The following ZBTB46 variants were observed in gnomAD, a reference collection of about 807,000 sequenced individuals.
The protein encoded by ZBTB46 is zinc finger and BTB domain-containing protein 46.
Under a neutral mutation model 44.1 loss-of-function variants are expected in ZBTB46, and 8 were observed. The ratio of observed to expected loss-of-function variants is 0.18; its 90% confidence interval spans 0.11 to 0.33. The LOEUF is 0.33. Among genes scored for constraint, ZBTB46 ranks in the 10% least tolerant of loss-of-function variants. ZBTB46 has a pLI of 1.00. For synonymous variants in ZBTB46, 409 were observed against 382.3 expected (o/e 1.07, Z -0.81); for missense variants, 651 against 847.7 (o/e 0.77, Z 2.88).
chr20:63,774,471 C>G (rs1347690650), intron 3 of ZBTB46, among the ~76,000 whole-genome samples: 1 of 152,172 alleles, frequency 6.6e-6, no homozygotes, highest in African/African-American at 2.4e-5. Flanking sequence ...AACAATGTGT[C>G]CACACCACTC....
At chr20:63,807,849 G>A (rs1380516375) in intron 1 of ZBTB46, among the ~76,000 whole-genome samples, 2 of 152,276 alleles carry the variant, frequency 1.3e-5, no homozygotes, top group Non-Finnish European at 1.5e-5. Context: ...CCAGAGCGGG[G>A]CTCGCCCGGT....
rs185164818 is a variant in ZBTB46 at position 63,787,567 on chromosome 20, G to A, written c.937+2254C>T. On this transcript the variant is annotated intron_variant, in intron 2 of 4. Coordinates refer to ENST00000245663, the MANE Select transcript of ZBTB46 (RefSeq NM_001369741.1). This position sits in a 1 kb window ranked among gnomAD's most constrained non-coding sequence, Gnocchi z 4.6. Reference sequence around the variant, plus strand: ...CCATGGTGCCACAGCTGCCTGCAGTGCTCAGCACCGTAACTAACACTGGCA... The same window carrying A: ...CCATGGTGCCACAGCTGCCTGCAGTACTCAGCACCGTAACTAACACTGGCA... Among the ~76,000 whole-genome samples the A allele has an allele frequency of 1.8e-4, 28 of 152,290 alleles. No homozygotes were observed. Among genetic ancestry groups the A allele is most frequent in the Admixed American group, 1.2e-3 (18 of 15,298 alleles).
intron 1 of ZBTB46, among the ~76,000 whole-genome samples, chr20:63,800,754 C>A (rs1374181819): frequency 1.3e-5 from 2 of 152,234 alleles, no homozygotes; most frequent in South Asian, 2.1e-4. Context: ...GATTTCTCGC[C>A]GGCCCTAGCT....
rs536744164 is a variant in ZBTB46, at chr20:63,787,425, G to A, written c.937+2396C>T. Among the ~76,000 whole-genome samples the A allele has an allele frequency of 7.9e-5, 12 of 152,352 alleles. No homozygotes were observed. The South Asian group carries it at 2.5e-3, about 32-fold the overall frequency. On this transcript the variant is annotated intron_variant, in intron 2 of 4. Transcript: ENST00000245663. This position sits in a 1 kb window ranked among gnomAD's most constrained non-coding sequence, Gnocchi z 4.6. Reference sequence around the variant, plus strand: ...TGTTCCCTCAGCACTCGCTCACCCAGGGCAACCTGCAGTGCAGCAAGCTCT... The same window carrying A: ...TGTTCCCTCAGCACTCGCTCACCCAAGGCAACCTGCAGTGCAGCAAGCTCT...
In ZBTB46 at chr20:63,802,797, G is replaced by A. The variant is rs1269531871; in HGVS notation, c.-33-12007C>T. 1.8e-3 allele frequency among the ~76,000 whole-genome samples: 219 copies of A among 120,736 alleles called. 4 individuals carry two copies. Among genetic ancestry groups the A allele is most frequent in the African/African-American group, 6.7e-3 (209 of 31,134 alleles). 79.2% of individuals were successfully genotyped at this position (120,736 alleles called of 152,430 possible). ...CCTCCCAGGAACCGCCGTGGCCGAC[G>A]ACCGAACCTCAGGCCCCCAGCACCC... is the stretch of plus-strand genomic sequence containing the variant. On this transcript the variant is annotated intron_variant, in intron 1 of 4. Transcript: ENST00000245663.
chr20:63,779,569 T>C (rs1265214539), intron 2 of ZBTB46, among the ~76,000 whole-genome samples: 5 of 151,956 alleles, frequency 3.3e-5, no homozygotes, highest in South Asian at 2.1e-4. Flanking sequence ...ACAGGGCGCC[T>C]GCCACCACAC....
intron 3 of ZBTB46, among the ~76,000 whole-genome samples, chr20:63,757,560 C>G (rs1190713534): frequency 6.6e-6 from 1 of 152,178 alleles, no homozygotes; most frequent in Non-Finnish European, 1.5e-5. Context: ...CCCTGCATCA[C>G]CACCACAGCG....
At chr20:63,765,318 T>C (rs1298472031) in intron 3 of ZBTB46, among the ~76,000 whole-genome samples, 1 of 152,218 alleles carries the variant, frequency 6.6e-6, no homozygotes, top group Non-Finnish European at 1.5e-5. Flanking sequence ...TTGGGAAATA[T>C]GCCAGCAACA....
chr20:63,780,531 G>A (rs1316571694), intron 2 of ZBTB46, among the ~76,000 whole-genome samples: 1 of 151,636 alleles, frequency 6.6e-6, no homozygotes, highest in East Asian at 2.0e-4. Flanking sequence ...GGCTGGGCAC[G>A]GTGGCTCATG....
At chr20:63,754,587 G>A (rs1328745743) in intron 3 of ZBTB46, among the ~76,000 whole-genome samples, 1 of 151,620 alleles carries the variant, frequency 6.6e-6, no homozygotes, top group Non-Finnish European at 1.5e-5. Context: ...GTGAGCCACT[G>A]TGCCTGGCCC....
chr20:63,814,112 A>C (rs762615424), intron 1 of ZBTB46, among the ~76,000 whole-genome samples: 102 of 152,148 alleles, frequency 6.7e-4, no homozygotes, highest in Non-Finnish European at 1.0e-3. Context: ...GGGCGCCTGT[A>C]GTCCCAACTA....
Position 63,778,974 on chromosome 20 carries a change from C to G in ZBTB46, c.938-3012G>C, listed in dbSNP as rs76891366. On this transcript the variant is annotated intron_variant, in intron 2 of 4. Coordinates refer to ENST00000245663, the MANE Select transcript of ZBTB46 (RefSeq NM_001369741.1). Reference sequence around the variant, plus strand: ...GATCTGCTGTCTGGTGAGGCCCCTCCTGACCTGCAGATGGCGGCAGGTGAG... The same window carrying G: ...GATCTGCTGTCTGGTGAGGCCCCTCGTGACCTGCAGATGGCGGCAGGTGAG... Among the ~76,000 whole-genome samples, 762 of 152,288 alleles carry G rather than the reference C, an allele frequency of 5.0e-3. 5 individuals carry two copies. The highest frequency in any genetic ancestry group is 0.017 in the African/African-American group (723 of 41,558).
Position 63,752,654 on chromosome 20 carries a change from G to C in ZBTB46, c.1398+32C>G, listed in dbSNP as rs2092180255. ...TGCCCGGACATCGTGGCCACGCGCA[G>C]CGCGCGGCACGCGGACCCTCCCCGC... On this transcript the variant is annotated intron_variant, in intron 4 of 4. Transcript: ENST00000245663. This position sits in a 1 kb window ranked among gnomAD's most constrained non-coding sequence, Gnocchi z 5.6. 2 of 1,491,698 alleles carry C rather than the reference G, an allele frequency of 1.3e-6. No homozygotes were observed. The highest frequency in any genetic ancestry group is 1.8e-6 in the Non-Finnish European group (2 of 1,119,758). 92.4% of individuals were successfully genotyped at this position (1,491,698 alleles called of 1,614,324 possible).
At position 63,752,567 on chromosome 20, in the gene ZBTB46, C is replaced by T; in HGVS notation, c.1398+119G>A. The T allele has an allele frequency of 1.6e-6, 2 of 1,249,242 alleles. No individual in the cohort carries two copies. Among genetic ancestry groups the T allele is most frequent in the Non-Finnish European group, 2.1e-6 (2 of 954,228 alleles). 77.4% of individuals were successfully genotyped at this position (1,249,242 alleles called of 1,614,324 possible). On this transcript the variant is annotated intron_variant, in intron 4 of 4. Coordinates refer to ENST00000245663, the MANE Select transcript of ZBTB46 (RefSeq NM_001369741.1). This position sits in a 1 kb window ranked among gnomAD's most constrained non-coding sequence, Gnocchi z 5.6. ...GATCTCCCTGCCCTGCTGTCGTCCC[C>T]CCTGTGCAGAGTGGACCCGGTGTGG...
At chr20:63,825,605 A>G (rs1397792368) in intron 1 of ZBTB46, among the ~76,000 whole-genome samples, 1 of 152,056 alleles carries the variant, frequency 6.6e-6, no homozygotes, top group East Asian at 1.9e-4. Flanking sequence ...GCCTCTGCAA[A>G]GCGGCTGGCT....
intron 2 of ZBTB46, among the ~76,000 whole-genome samples, chr20:63,784,044 G>C (rs571944106): frequency 6.6e-6 from 1 of 152,182 alleles, no homozygotes; most frequent in African/African-American, 2.4e-5. Context: ...CCCTGCCCTC[G>C]TGTGATCAGG....
intron 2 of ZBTB46, among the ~76,000 whole-genome samples, chr20:63,785,217 C>A (rs1185372525): frequency 1.3e-5 from 1 of 77,118 alleles, no homozygotes; most frequent in Non-Finnish European, 2.3e-5. Context: ...GGCAACAGAG[C>A]GAGACTCAAA....
chr20:63,777,198 C>G (rs1000768579), intron 2 of ZBTB46, among the ~76,000 whole-genome samples: 1 of 152,106 alleles, frequency 6.6e-6, no homozygotes, highest in Non-Finnish European at 1.5e-5. Context: ...GGCCAGGCAC[C>G]GTGGCTCACG....
At chr20:63,755,368 G>A (rs1478946769) in intron 3 of ZBTB46, among the ~76,000 whole-genome samples, 4 of 152,198 alleles carry the variant, frequency 2.6e-5, no homozygotes, top group African/African-American at 9.6e-5. Context: ...GGGTCCCTCC[G>A]GCCTCTTCAG....
Sources: allele counts gnomAD v4.1 joint callset (sites outside exome capture counted in the v4.1 genomes callset), GRCh38; gene constraint gnomAD v4.1.1; non-coding constraint Gnocchi (gnomAD v3.1); transcripts MANE v1.5; gene names NCBI Gene and HGNC (gene_info 2026-07-23, HGNC 2026-07-21).